EXOC4: variants seen among roughly 807,000 people sequenced by gnomAD.
EXOC4 encodes the protein exocyst complex component 4.
In EXOC4, 71 loss-of-function variants were observed where a neutral mutation model predicts 107.2. The observed-to-expected ratio is 0.66, with a 90% CI of 0.55 to 0.81. The LOEUF is 0.81. EXOC4 is among the 30% of genes least tolerant of loss of function. EXOC4 has a pLI of 0.00. For missense variants in EXOC4, 1,108 were observed against 1,189.6 expected (o/e 0.93, Z 1.01); for synonymous variants, 456 against 441.2 (o/e 1.03, Z -0.42).
intron 10 of EXOC4, among the ~76,000 whole-genome samples, chr7:133,735,813 A>G (rs755033193): frequency 3.1e-4 from 47 of 152,124 alleles, no homozygotes; most frequent in Non-Finnish European, 1.6e-4. Flanking sequence ...CTTCCCCGGC[A>G]TGGTGGATTA....
rs536108565 is a variant in EXOC4 at position 133,356,723 on chromosome 7, G to A, written c.1007+150G>A. ...AGGCCAGGCGCAGTGGCTCACGCCT[G>A]TTATCCCAGCACTTTGGGAGGCTGA... On this transcript the variant is annotated intron_variant, in intron 6 of 17. Transcript: ENST00000253861. The A allele has an allele frequency of 1.0e-5, 9 of 900,966 alleles. No individual in the cohort carries two copies. The South Asian group carries it at 1.6e-4, about 16-fold the overall frequency. The allele number at this position is 900,966 out of a possible 1,614,324, so 55.8% of individuals were successfully genotyped here. A position where few individuals can be genotyped will look rare whatever the true frequency, so the allele number is the denominator to read the frequency against.
At chr7:133,635,461 A>C (rs1054818156) in intron 10 of EXOC4, among the ~76,000 whole-genome samples, 3 of 152,218 alleles carry the variant, frequency 2.0e-5, no homozygotes, top group African/African-American at 7.2e-5. Context: ...TTCATGTAGC[A>C]AACACAGGTG....
At chr7:133,687,727 T>C (rs1412813558) in intron 10 of EXOC4, among the ~76,000 whole-genome samples, 1 of 152,170 alleles carries the variant, frequency 6.6e-6, no homozygotes, top group Non-Finnish European at 1.5e-5. Flanking sequence ...TAGACTGAAC[T>C]TCTGGTGTTT....
At chr7:133,253,614 A>G (rs1260600396) in intron 1 of EXOC4, 4 of 661,806 alleles carry the variant, frequency 6.0e-6, no homozygotes, top group Non-Finnish European at 7.5e-6. Context: ...GATTCCTGTC[A>G]CGAGTTGCAG....
chr7:133,630,292 T>G, intron 10 of EXOC4, 151 bp downstream of exon 10: 1 of 583,864 alleles, frequency 1.7e-6, no homozygotes, highest in Non-Finnish European at 3.0e-6. Flanking sequence ...GTTAGTCAGT[T>G]TAGCAGATAA....
chr7:133,390,890 T>C (rs1230597681), intron 7 of EXOC4, among the ~76,000 whole-genome samples: 1 of 152,212 alleles, frequency 6.6e-6, no homozygotes, highest in Non-Finnish European at 1.5e-5. Context: ...GATGGCAAAA[T>C]AAATGTTTGC....
At chr7:133,857,115 T>C (rs1798395239) in intron 11 of EXOC4, among the ~76,000 whole-genome samples, 1 of 95,296 alleles carries the variant, frequency 1.0e-5, no homozygotes, top group Non-Finnish European at 2.0e-5. Flanking sequence ...TATATATGTG[T>C]ATATATATAT....
At chr7:133,366,239 G>C (rs1028856998) in intron 6 of EXOC4, among the ~76,000 whole-genome samples, 1 of 152,140 alleles carries the variant, frequency 6.6e-6, no homozygotes, top group African/African-American at 2.4e-5. Context: ...CTGCAACTGT[G>C]ACTGTTCCTT....
chr7:133,923,113 T>TGGTAAGA (rs1459657356), intron 13 of EXOC4, among the ~76,000 whole-genome samples: 1 of 150,082 alleles, frequency 6.7e-6, no homozygotes, highest in Non-Finnish European at 1.5e-5. Flanking sequence ...TCCAAAGTGG[T>TGGTAAGA]GGTAAGAGTT....
Position 133,713,617 on chromosome 7 carries a change from T to C in EXOC4, c.1514+83476T>C, listed in dbSNP as rs76502423. Among the ~76,000 whole-genome samples the C allele has an allele frequency of 3.0e-3, 464 of 152,328 alleles. 10 individuals carry two copies. The East Asian group carries it at 0.062, about 20-fold the overall frequency. On this transcript the variant is annotated intron_variant, in intron 10 of 17. Transcript: ENST00000253861. ...ATCTCCTCTTGGATTGTAATCCTCATAATCACCATGTGTCAAGGGAGAGAC... is the reference window on the plus strand; with the variant it reads ...ATCTCCTCTTGGATTGTAATCCTCACAATCACCATGTGTCAAGGGAGAGAC...
chr7:133,532,851 GAA>G (rs1800205838), intron 9 of EXOC4, among the ~76,000 whole-genome samples: 2 of 152,118 alleles, frequency 1.3e-5, no homozygotes, highest in Admixed American at 6.6e-5. Flanking sequence ...TTACGTGTGA[GAA>G]ATAACTATTT....
chr7:133,545,948 T>G (rs1800471872), intron 9 of EXOC4, among the ~76,000 whole-genome samples: 1 of 152,220 alleles, frequency 6.6e-6, no homozygotes, highest in Non-Finnish European at 1.5e-5. Context: ...GGTTACTATT[T>G]CCTGCTGCTT....
the EXOC4 span, among the ~76,000 whole-genome samples, chr7:134,099,879 G>T: frequency 2.0e-5 from 3 of 151,950 alleles, no homozygotes; most frequent in African/African-American, 7.2e-5. Flanking sequence ...GCTAATTTTT[G>T]TATTTTTAGT....
Position 133,758,485 on chromosome 7 carries a change from A to G in EXOC4, c.1515-58840A>G, listed in dbSNP as rs576054376. Among the ~76,000 whole-genome samples the G allele has an allele frequency of 2.2e-4, 34 of 152,256 alleles. No individual in the cohort carries two copies. In the South Asian group the frequency reaches 6.8e-3, roughly 31 times the overall value. On this transcript the variant is annotated intron_variant, in intron 10 of 17. Coordinates refer to ENST00000253861, the MANE Select transcript of EXOC4 (RefSeq NM_021807.4). ...AATGGTTACTTATTGAATGCTTATG[A>G]TATCCCAGGCCCTAGGGACAGAAAG...
Position 133,263,823 on chromosome 7 carries a change from A to G in EXOC4, c.86+10636A>G, listed in dbSNP as rs1562993518. Among the ~76,000 whole-genome samples the G allele has an allele frequency of 2.0e-5, 3 of 152,064 alleles. 1 individual carries two copies. In the South Asian group the frequency reaches 6.2e-4, roughly 32 times the overall value. Reference sequence around the variant, plus strand: ...GATTGATGTTTTAATAGATTAGTATATTACAGAAGTGCTATATATTCTTTA... The same window carrying G: ...GATTGATGTTTTAATAGATTAGTATGTTACAGAAGTGCTATATATTCTTTA... On this transcript the variant is annotated intron_variant, in intron 1 of 17. Coordinates refer to ENST00000253861, the MANE Select transcript of EXOC4 (RefSeq NM_021807.4).
At chr7:133,755,295 A>G (rs1236249079) in intron 10 of EXOC4, among the ~76,000 whole-genome samples, 117 of 114,820 alleles carry the variant, frequency 1.0e-3, no homozygotes, top group Non-Finnish European at 1.6e-3. Flanking sequence ...TATACATATT[A>G]TATATATTAT....
intron 10 of EXOC4, among the ~76,000 whole-genome samples, chr7:133,784,459 G>C (rs1056371836): frequency 3.9e-5 from 6 of 152,092 alleles, no homozygotes; most frequent in African/African-American, 1.4e-4. Context: ...CTGGACATCA[G>C]TATTCAGGGG....
At chr7:133,643,313 C>T (rs1802906511) in intron 10 of EXOC4, among the ~76,000 whole-genome samples, 1 of 121,064 alleles carries the variant, frequency 8.3e-6, no homozygotes, top group African/African-American at 2.7e-5. Context: ...AAGGCTAGGT[C>T]AGTCTCTCTT....
At chr7:134,048,143 C>T (rs967867382) in intron 17 of EXOC4, among the ~76,000 whole-genome samples, 4 of 152,138 alleles carry the variant, frequency 2.6e-5, no homozygotes, top group Non-Finnish European at 5.9e-5. Flanking sequence ...TTGGGTGGTG[C>T]CAGCAGATCC....
Sources: gnomAD v4.1 joint callset for allele counts (sites outside exome capture counted in the v4.1 genomes callset) on GRCh38, gnomAD v4.1.1 for gene constraint, MANE v1.5 for transcripts, NCBI Gene and HGNC (gene_info 2026-07-23, HGNC 2026-07-21) for gene names.